PVT1: variants seen among roughly 807,000 people sequenced by gnomAD.
PVT1 encodes CXCR4/PVT1 fusion.
At chr8:128,019,371 T>C (rs1909457) in intron 4 of PVT1, among the ~76,000 whole-genome samples, 40,067 of 152,092 alleles carry the variant, frequency 0.26, 6,643 homozygotes, top group Non-Finnish European at 0.37. Context: ...ATAATCCCTG[T>C]TGTCAGTTTG....
intron 4 of PVT1, among the ~76,000 whole-genome samples, chr8:128,031,081 C>T (rs1813381585): frequency 6.6e-6 from 1 of 152,268 alleles, no homozygotes; most frequent in Admixed American, 6.5e-5. Context: ...TGGACATCAG[C>T]TCTGCCTGTC....
intron 3 of PVT1, among the ~76,000 whole-genome samples, chr8:127,971,286 C>G (rs147606608): frequency 0.014 from 2,089 of 152,354 alleles, 23 homozygotes; most frequent in Middle Eastern, 0.051. Context: ...CATTCACCTC[C>G]AGGTCTGCCT....
chr8:127,948,135 G>A (rs1816448607), intron 3 of PVT1: 2 of 366,926 alleles, frequency 5.5e-6, no homozygotes, highest in South Asian at 4.2e-5. Context: ...GTTCCAGAGT[G>A]ACTTCCCGTC....
chr8:128,085,467 G>A (rs1196973352), intron 5 of PVT1, among the ~76,000 whole-genome samples: 5 of 149,950 alleles, frequency 3.3e-5, no homozygotes, highest in African/African-American at 1.2e-4. Context: ...TTCCTCCTAT[G>A]TACTAGGCAA....
chr8:127,852,591 T>C (rs1248840641), intron 2 of PVT1, among the ~76,000 whole-genome samples: 2 of 152,218 alleles, frequency 1.3e-5, no homozygotes, highest in East Asian at 3.8e-4. Context: ...GGTGTTTGAA[T>C]GAGTTAACAT....
intron 2 of PVT1, among the ~76,000 whole-genome samples, chr8:127,808,617 C>G (rs191734801): frequency 6.6e-6 from 1 of 152,026 alleles, no homozygotes; most frequent in Non-Finnish European, 1.5e-5. Flanking sequence ...GGTGGATCAA[C>G]GGAAGCAGGT....
chr8:128,000,044 C>G (rs538278503), intron 4 of PVT1, among the ~76,000 whole-genome samples: 12 of 152,214 alleles, frequency 7.9e-5, no homozygotes, highest in Non-Finnish European at 1.8e-4. Flanking sequence ...TTCATGTGCC[C>G]TTGCTGGTTT....
At chr8:127,981,031 A>G (rs1458300871) in intron 3 of PVT1, among the ~76,000 whole-genome samples, 1 of 152,082 alleles carries the variant, frequency 6.6e-6, no homozygotes, top group African/African-American at 2.4e-5. Flanking sequence ...TTCAGACCTC[A>G]AGAGATCCAC....
chr8:128,091,250 G>A (rs905164624), intron 5 of PVT1, among the ~76,000 whole-genome samples: 3 of 152,130 alleles, frequency 2.0e-5, no homozygotes, highest in Non-Finnish European at 4.4e-5. Context: ...TCCCAAGGTT[G>A]CCCTGGTGCT....
At chr8:127,936,468 C>G (rs1023988939) in intron 3 of PVT1, among the ~76,000 whole-genome samples, 6 of 152,140 alleles carry the variant, frequency 3.9e-5, no homozygotes, top group African/African-American at 1.4e-4. Flanking sequence ...TGGCCTTTCT[C>G]AGAAAGGAGA....
intron 4 of PVT1, among the ~76,000 whole-genome samples, chr8:128,003,713 G>T (rs1319232346): frequency 6.6e-6 from 1 of 152,210 alleles, no homozygotes; most frequent in Non-Finnish European, 1.5e-5. Context: ...ATGCATATGT[G>T]TAAATTATAA....
chr8:128,075,616 T>G (rs1814077452), intron 5 of PVT1, among the ~76,000 whole-genome samples: 1 of 152,218 alleles, frequency 6.6e-6, no homozygotes, highest in Non-Finnish European at 1.5e-5. Context: ...AGCACATTCC[T>G]GCAGACCATT....
intron 3 of PVT1, among the ~76,000 whole-genome samples, chr8:127,938,065 T>C (rs967181495): frequency 2.0e-5 from 3 of 152,154 alleles, no homozygotes; most frequent in African/African-American, 4.8e-5. Context: ...TCACTGGCCT[T>C]GTAACCTCTT....
chr8:128,067,568 A>G (rs190110218), intron 4 of PVT1, among the ~76,000 whole-genome samples: 9 of 152,326 alleles, frequency 5.9e-5, no homozygotes, highest in Admixed American at 5.9e-4. Flanking sequence ...CTAGGCAGCA[A>G]TTCGACTTTA....
chr8:127,954,157 C>T (rs1816541371), intron 3 of PVT1, among the ~76,000 whole-genome samples: 1 of 152,104 alleles, frequency 6.6e-6, no homozygotes, highest in Non-Finnish European at 1.5e-5. Context: ...TTATGTGCCT[C>T]AGAATGTTAT....
chr8:127,916,725 G>T (rs762810144), intron 3 of PVT1, among the ~76,000 whole-genome samples: 1 of 152,228 alleles, frequency 6.6e-6, no homozygotes, highest in Non-Finnish European at 1.5e-5. Flanking sequence ...TGGCCTTCCT[G>T]GTGGGAAGTT....
intron 3 of PVT1, among the ~76,000 whole-genome samples, chr8:127,974,391 G>GCATCATCAT (rs151336453): frequency 2.4e-4 from 36 of 151,866 alleles, no homozygotes; most frequent in African/African-American, 6.8e-4. Flanking sequence ...AAAAAAGTCA[G>GCATCATCAT]CATCATCATC....
chr8:128,073,792 A>AT (rs199563730), intron 5 of PVT1, among the ~76,000 whole-genome samples: 7 of 149,244 alleles, frequency 4.7e-5, no homozygotes, highest in Non-Finnish European at 5.9e-5. Context: ...AATAACAACA[A>AT]TTTTTTTTTC....
At chr8:127,850,123 A>G (rs535503515) in intron 2 of PVT1, among the ~76,000 whole-genome samples, 2 of 152,216 alleles carry the variant, frequency 1.3e-5, no homozygotes, top group Non-Finnish European at 2.9e-5. Flanking sequence ...GCCTGTGGGT[A>G]TGTGAGGGGA....
Sources: gnomAD v4.1 joint callset for allele counts (sites outside exome capture counted in the v4.1 genomes callset) on GRCh38, gnomAD v4.1.1 for gene constraint, MANE v1.5 for transcripts, NCBI Gene and HGNC (gene_info 2026-07-23, HGNC 2026-07-21) for gene names.